Variants in REPS2 observed in about 807,000 individuals in gnomAD.
The protein encoded by REPS2 is RALBP1 associated Eps domain containing 2.
REPS2 carries 23 observed loss-of-function variants against 53.6 expected under a neutral mutation model. The ratio of observed to expected loss-of-function variants is 0.43; its 90% CI spans 0.31 to 0.61. The LOEUF (loss-of-function observed/expected upper bound fraction) is 0.61, where lower values mean the gene tolerates loss of function less well. Ranked by LOEUF, REPS2 falls within the 20% of genes least tolerant of loss-of-function variation. The pLI is 0.11. For missense variants in REPS2, 446 were observed against 534.9 expected (o/e 0.83, Z 1.64); for synonymous variants, 238 against 218.6 (o/e 1.09, Z -0.78).
intron 1 of REPS2, among the ~76,000 whole-genome samples, chrX:16,981,334 A>G (rs1008741787): frequency 8.9e-6 from 1 of 112,171 alleles, no homozygotes; most frequent in African/African-American, 3.2e-5. Context: ...GGGAGTAGGA[A>G]TGCAGAAAAC....
intron 14 of REPS2, among the ~76,000 whole-genome samples, chrX:17,111,820 T>C (rs1228263261): frequency 8.9e-6 from 1 of 112,042 alleles, no homozygotes; most frequent in African/African-American, 3.2e-5. Context: ...AGATGTCTGA[T>C]TCTATTTTGT....
intron 13 of REPS2, chrX:17,100,092 A>G (rs780872278): frequency 8.0e-5 from 82 of 1,027,413 alleles, no homozygotes; most frequent in Admixed American, 1.5e-4. Context: ...TGATTTGTCT[A>G]TCTCATGTGC....
At chrX:17,135,537 T>G in intron 16 of REPS2, 131 bp downstream of exon 16, 1 of 792,005 alleles carries the variant, frequency 1.3e-6, no homozygotes, top group Non-Finnish European at 1.8e-6. Context: ...CTTGCTCATC[T>G]CTGTGATGGG....
At chrX:16,983,903 A>G (rs775044734) in intron 1 of REPS2, among the ~76,000 whole-genome samples, 103 of 112,660 alleles carry the variant, frequency 9.1e-4, no homozygotes, top group Non-Finnish European at 1.7e-3. Flanking sequence ...TTCGAAGCAC[A>G]TCTGTTTGCC....
At chrX:17,042,966 T>A (rs1292930285) in intron 5 of REPS2, among the ~76,000 whole-genome samples, 2 of 107,847 alleles carry the variant, frequency 1.9e-5, no homozygotes, top group African/African-American at 6.6e-5. Context: ...TGGCAGTTTT[T>A]AAATATTTTT....
intron 13 of REPS2, among the ~76,000 whole-genome samples, chrX:17,082,162 A>G (rs1259219228): frequency 2.7e-5 from 3 of 112,055 alleles, no homozygotes; most frequent in Non-Finnish European, 3.8e-5. Flanking sequence ...TTCCATGGTG[A>G]CAGTAAAAAG....
chrX:17,001,948 A>G (rs1003757758), intron 1 of REPS2, among the ~76,000 whole-genome samples: 1 of 111,851 alleles, frequency 8.9e-6, no homozygotes, highest in East Asian at 2.8e-4. Context: ...ACCTCCCCCT[A>G]ATTGTTCAAG....
At chrX:17,118,438 T>C (rs1400887372) in intron 14 of REPS2, among the ~76,000 whole-genome samples, 1 of 111,020 alleles carries the variant, frequency 9.0e-6, no homozygotes, top group African/African-American at 3.3e-5. Context: ...CTGAGTCTTT[T>C]AAATTTTAAC....
chrX:16,947,253 A>G, intron 1 of REPS2, 119 bp downstream of exon 1: 1 of 903,140 alleles, frequency 1.1e-6, no homozygotes, highest in Non-Finnish European at 1.4e-6. Context: ...CAGTTCTGAG[A>G]GAGAGGACTC....
At chrX:16,981,063 C>T (rs1205218858) in intron 1 of REPS2, among the ~76,000 whole-genome samples, 1 of 112,340 alleles carries the variant, frequency 8.9e-6, no homozygotes, top group East Asian at 2.8e-4. Context: ...TGACAGGTTG[C>T]ATTCTGTAGA....
intron 14 of REPS2, among the ~76,000 whole-genome samples, chrX:17,130,170 A>G (rs973459282): frequency 1.8e-5 from 2 of 111,703 alleles, no homozygotes; most frequent in Non-Finnish European, 3.8e-5. Context: ...AGCTTGGAGT[A>G]TGCGTCCATT....
intron 5 of REPS2, among the ~76,000 whole-genome samples, chrX:17,036,041 C>T (rs1371761929): frequency 8.9e-6 from 1 of 111,989 alleles, no homozygotes; most frequent in African/African-American, 3.2e-5. Flanking sequence ...ATTTAGCCAG[C>T]CCCTTTTGAT....
At chrX:17,118,600 G>T (rs901688277) in intron 14 of REPS2, among the ~76,000 whole-genome samples, 5 of 111,973 alleles carry the variant, frequency 4.5e-5, no homozygotes, top group Non-Finnish European at 9.4e-5. Context: ...AGGTTTCTGG[G>T]GAAGTGCTAG....
chrX:17,178,328 GT>G, the REPS2 span, among the ~76,000 whole-genome samples: 1 of 112,213 alleles, frequency 8.9e-6, no homozygotes, highest in Non-Finnish European at 1.9e-5. Flanking sequence ...CATTCTTCCA[GT>G]CTCCTGGTTT....
At chrX:17,141,835 A>G (rs966854444) in intron 17 of REPS2, among the ~76,000 whole-genome samples, 3 of 112,404 alleles carry the variant, frequency 2.7e-5, no homozygotes, top group African/African-American at 9.7e-5. Flanking sequence ...TTTTTCTCCA[A>G]AGTAGTCTAT....
intron 1 of REPS2, among the ~76,000 whole-genome samples, chrX:16,972,602 G>C (rs2060908093): frequency 9.0e-6 from 1 of 111,571 alleles, no homozygotes; most frequent in African/African-American, 3.3e-5. Flanking sequence ...CCTTCTTCCT[G>C]TAGTCACTCT....
At chrX:17,006,718 G>A (rs1490682446) in intron 2 of REPS2, among the ~76,000 whole-genome samples, 2 of 111,737 alleles carry the variant, frequency 1.8e-5, no homozygotes, top group African/African-American at 6.5e-5. Flanking sequence ...GGGAGTTTGA[G>A]TGGAACTATG....
At chrX:16,984,818 T>C (rs1280477532) in intron 1 of REPS2, among the ~76,000 whole-genome samples, 2 of 110,887 alleles carry the variant, frequency 1.8e-5, no homozygotes, top group African/African-American at 3.3e-5. Flanking sequence ...TTTTTTTTTT[T>C]CCTGGAAAAT....
chrX:17,000,945 A>G (rs2061298885), intron 1 of REPS2, among the ~76,000 whole-genome samples: 1 of 112,042 alleles, frequency 8.9e-6, no homozygotes, highest in Non-Finnish European at 1.9e-5. Context: ...CACTGATGTA[A>G]TGGAAAGACC....
Sources: allele counts gnomAD v4.1 joint callset (sites outside exome capture counted in the v4.1 genomes callset), GRCh38; gene constraint gnomAD v4.1.1; transcripts MANE v1.5; gene names NCBI Gene and HGNC (gene_info 2026-07-23, HGNC 2026-07-21).